SMC1B: variants seen among roughly 807,000 people sequenced by gnomAD.
SMC1B encodes the protein structural maintenance of chromosomes protein 1B.
A neutral mutation model predicts 157.9 loss-of-function variants in SMC1B; 60 were observed. That is an observed-to-expected ratio of 0.38 (90% CI 0.31 to 0.47). The LOEUF is 0.47. Among genes scored for constraint, SMC1B ranks in the 20% least tolerant of loss-of-function variants. SMC1B has a pLI of 0.99. For missense variants in SMC1B, 1,165 were observed against 1,426.2 expected (o/e 0.82, Z 2.95); for synonymous variants, 445 against 483.0 (o/e 0.92, Z 1.03).
In SMC1B at chr22:45,358,725, T is replaced by G. The variant is rs1328962615; in HGVS notation, c.2933A>C (p.Asp978Ala). The stretch of plus-strand genomic sequence containing the variant: ...CAAATCCTCTTTTAGAGAGCTGTAG[T>G]CTATTTCAAAGGCTTCTTCTTTTTC... ...IYEKEEAFEI[D>A]YSSLKEDLKA... The change falls in exon 19 of 25, where the codon GAC becomes GCC. Residue 978 changes from aspartate (D) to alanine (A), a missense_variant. Transcript: ENST00000357450. 3.1e-6 allele frequency: 5 copies of G among 1,612,334 alleles called. No individual in the cohort carries two copies. In the South Asian group the frequency reaches 5.5e-5, roughly 18 times the overall value.
intron 11 of SMC1B, among the ~76,000 whole-genome samples, 153 bp from the exon 12 acceptor site, chr22:45,383,766 C>A (rs2146815474): frequency 6.6e-6 from 1 of 152,194 alleles, no homozygotes; most frequent in South Asian, 2.1e-4. Context: ...GAAGAGACCC[C>A]AAACAATAAA....
At chr22:45,390,832 A>T (rs2087050024) in intron 9 of SMC1B, among the ~76,000 whole-genome samples, 1 of 152,216 alleles carries the variant, frequency 6.6e-6, no homozygotes. Flanking sequence ...AATGTCAAGC[A>T]TCATGTATCA....
intron 15 of SMC1B, among the ~76,000 whole-genome samples, chr22:45,366,302 G>C (rs2086775526): frequency 6.6e-6 from 1 of 152,140 alleles, no homozygotes; most frequent in Non-Finnish European, 1.5e-5. Context: ...AGGATTACAG[G>C]TGTCAGCTAC....
Position 45,376,500 on chromosome 22 carries a change from G to A in SMC1B, c.2059-4208C>T, listed in dbSNP as rs138093799. ...GAATAATGCTGCTATGAACATGGGTGTATAAATCTCTTTTTAAGACCCTAC... is the reference window on the plus strand; with the variant it reads ...GAATAATGCTGCTATGAACATGGGTATATAAATCTCTTTTTAAGACCCTAC... On this transcript the variant is annotated intron_variant, in intron 12 of 24. Coordinates refer to ENST00000357450, the MANE Select transcript of SMC1B (RefSeq NM_148674.5). Among the ~76,000 whole-genome samples, 81 of 152,222 alleles carry A rather than the reference G, an allele frequency of 5.3e-4. No homozygotes were observed. In the East Asian group the frequency reaches 0.014, roughly 27 times the overall value.
At chr22:45,394,804 A>C (rs2087104545) in intron 7 of SMC1B, 37 bp from the exon 8 acceptor site, 1 of 1,471,918 alleles carries the variant, frequency 6.8e-7, no homozygotes, top group Non-Finnish European at 9.1e-7. Context: ...CAATTACGGC[A>C]ATTCCAAACC....
rs539120296 is a variant in SMC1B, at chr22:45,344,635, C to T, written c.3629G>A (p.Arg1210Gln). The T allele has an allele frequency of 3.3e-4, 528 of 1,613,878 alleles. 8 individuals carry two copies. In the East Asian group the frequency reaches 0.011, roughly 34 times the overall value. ...YPEYDDCMFS[R>Q]VLTLDLSQYP... Reference sequence around the variant, plus strand: ...CTGAGAAAGATCTAGGGTCAAAACTCGGCTGAACATGCAGTCATCGTACTA... The same window carrying T: ...CTGAGAAAGATCTAGGGTCAAAACTTGGCTGAACATGCAGTCATCGTACTA... Residue 1210 changes from arginine (R) to glutamine (Q), a missense_variant, in exon 25 of 25, where the codon CGA (arginine) becomes CAA (glutamine). Arg to Gln is a conservative substitution (Grantham distance 43, BLOSUM62 1). Coordinates refer to ENST00000357450, the MANE Select transcript of SMC1B (RefSeq NM_148674.5).
Position 45,359,859 on chromosome 22 carries a change from T to C in SMC1B, c.2808A>G (p.Gln936=), listed in dbSNP as rs775026667. Residue 936 remains glutamine, a synonymous_variant, in exon 18 of 25, where the codon CAA becomes CAG. Coordinates refer to ENST00000357450, the MANE Select transcript of SMC1B (RefSeq NM_148674.5). ...KHNLLLDCKV[Q]DIEIILLSGS... ...CCGACAAAAGGATTATCTCAATGTC[T>C]TGCACTTTGCAATCAAGCAGCAAGT... 1.2e-6 allele frequency: 2 copies of C among 1,614,184 alleles called. No individual in the cohort carries two copies. The highest frequency in any genetic ancestry group is 2.2e-5 in the East Asian group (1 of 44,888).
chr22:45,366,265 C>T (rs1175157743), intron 15 of SMC1B, among the ~76,000 whole-genome samples: 2 of 152,190 alleles, frequency 1.3e-5, no homozygotes, highest in Non-Finnish European at 2.9e-5. Flanking sequence ...CTCAGGTGAT[C>T]CGCCTGCCTC....
chr22:45,382,443 G>A (rs148059988), intron 12 of SMC1B, among the ~76,000 whole-genome samples: 9 of 152,290 alleles, frequency 5.9e-5, no homozygotes, highest in Non-Finnish European at 1.3e-4. Context: ...AGTAGATTGG[G>A]TTGTGAGGCC....
chr22:45,387,198 A>G, intron 10 of SMC1B, 152 bp from the exon 11 acceptor site: 1 of 652,922 alleles, frequency 1.5e-6, no homozygotes, highest in South Asian at 2.5e-5. Context: ...CTGTAATCCC[A>G]GAATTTTGGG....
At chr22:45,410,590 C>A (rs1350254180) in intron 1 of SMC1B, among the ~76,000 whole-genome samples, 2 of 152,288 alleles carry the variant, frequency 1.3e-5, no homozygotes, top group East Asian at 3.9e-4. Context: ...GTAATCCCAG[C>A]TACTCGGGAG....
chr22:45,345,603 A>G, intron 23 of SMC1B, 34 bp from the exon 24 acceptor site: 1 of 1,330,928 alleles, frequency 7.5e-7, no homozygotes, highest in Non-Finnish European at 1.1e-6. Context: ...TTCACTAGGA[A>G]GGAAAGGCCT....
intron 15 of SMC1B, 109 bp from the exon 16 acceptor site, chr22:45,363,135 G>A (rs2086737939): frequency 1.4e-6 from 1 of 720,332 alleles, no homozygotes; most frequent in Non-Finnish European, 2.2e-6. Context: ...ATACTATAAT[G>A]AACTCCCAAG....
chr22:45,349,670 G>T (rs900708498), intron 23 of SMC1B, 58 bp downstream of exon 23: 9 of 1,464,998 alleles, frequency 6.1e-6, no homozygotes, highest in Non-Finnish European at 8.6e-6. Context: ...TCCATTGCTT[G>T]CCTCACATGA....
intron 15 of SMC1B, among the ~76,000 whole-genome samples, chr22:45,367,742 G>C (rs559379249): frequency 6.6e-6 from 1 of 152,178 alleles, no homozygotes; most frequent in Non-Finnish European, 1.5e-5. Context: ...TAGTAACCAC[G>C]AGTCAGGGGA....
In SMC1B at chr22:45,357,329, CAG is replaced by C. The variant is rs533323208; in HGVS notation, c.2961+1366_2961+1367del. Among the ~76,000 whole-genome samples the C allele has an allele frequency of 7.2e-5, 11 of 152,334 alleles. No individual in the cohort carries two copies. In the South Asian group the frequency reaches 1.9e-3, roughly 26 times the overall value. ...TATGGCTACAGGGATGACTGGGAAACAGAGCCAGAGCTGCTCAATTAAAGGCA... is the reference window on the plus strand; with the variant it reads ...TATGGCTACAGGGATGACTGGGAAACAGCCAGAGCTGCTCAATTAAAGGCA... On this transcript the variant is annotated intron_variant, in intron 19 of 24. Coordinates refer to ENST00000357450, the MANE Select transcript of SMC1B (RefSeq NM_148674.5).
At chr22:45,396,660 C>G (rs2087127981) in intron 6 of SMC1B, among the ~76,000 whole-genome samples, 174 bp from the exon 7 acceptor site, 1 of 151,838 alleles carries the variant, frequency 6.6e-6, no homozygotes, top group Non-Finnish European at 1.5e-5. Context: ...ATGAAAGCTT[C>G]CTTTAAAAAA....
chr22:45,350,629 G>C (rs1158399760), intron 22 of SMC1B, among the ~76,000 whole-genome samples: 1 of 152,132 alleles, frequency 6.6e-6, no homozygotes, highest in East Asian at 1.9e-4. Flanking sequence ...ACAATTCCAT[G>C]TGGGTGACTA....
At chr22:45,349,905 A>G (rs911955692) in intron 22 of SMC1B, 108 bp from the exon 23 acceptor site, 2 of 886,894 alleles carry the variant, frequency 2.3e-6, no homozygotes, top group Non-Finnish European at 3.4e-6. Context: ...ATTCTTTTGG[A>G]TATTTCTAAG....
Sources: gnomAD v4.1 joint callset for allele counts (sites outside exome capture counted in the v4.1 genomes callset) on GRCh38, gnomAD v4.1.1 for gene constraint, MANE v1.5 for transcripts, NCBI Gene and HGNC (gene_info 2026-07-23, HGNC 2026-07-21) for gene names.